Variants in ACBD3 observed in about 807,000 individuals in gnomAD.
ACBD3 encodes acyl-CoA binding domain containing 3.
ACBD3 carries 30 observed loss-of-function variants against 66.9 expected under a neutral mutation model. That is an observed-to-expected ratio of 0.45 (90% CI 0.34 to 0.61). The LOEUF (loss-of-function observed/expected upper bound fraction) is 0.61. ACBD3 is among the 20% of genes least tolerant of loss of function. The probability of loss-of-function intolerance (pLI) is 0.02; values close to 1 mark genes in which losing one functional copy is unlikely to be tolerated. For missense variants in ACBD3, 544 were observed against 664.5 expected (o/e 0.82, Z 1.99); for synonymous variants, 278 against 259.8 (o/e 1.07, Z -0.68).
intron 1 of ACBD3, among the ~76,000 whole-genome samples, chr1:226,178,175 T>G (rs1174729017): frequency 1.3e-5 from 2 of 152,166 alleles, no homozygotes; most frequent in African/African-American, 4.8e-5. Context: ...AACTCACAAG[T>G]ATTTAACTTT....
chr1:226,149,527 ATCTTTTT>A (rs1659522794), intron 7 of ACBD3, among the ~76,000 whole-genome samples: 1 of 34,186 alleles, frequency 2.9e-5, no homozygotes, highest in Non-Finnish European at 5.6e-5. Context: ...GCGCCCAGCC[ATCTTTTT>A]TTTTTTTTTT....
At position 226,186,551 on chromosome 1, in the gene ACBD3, G is replaced by GGCGGTGGCA. The variant is rs1186655361; in HGVS notation, c.116_124dup (p.Leu39_Pro41dup). On this transcript the variant is annotated inframe_insertion, in exon 1 of 8. Coordinates refer to ENST00000366812, the MANE Select transcript of ACBD3 (RefSeq NM_022735.4). ...GCCGCGACCGGATCCAGGTGGCGAG[G>GGCGGTGGCA]GCGGTGGCAGCGGTGGCGGCAGCAG... 7.3e-7 allele frequency: 1 copy of GGCGGTGGCA among 1,364,556 alleles called. No homozygotes were observed. The highest frequency in any genetic ancestry group is 9.4e-7 in the Non-Finnish European group (1 of 1,063,918). The allele number at this position is 1,364,556 out of a possible 1,614,324, so 84.5% of individuals were successfully genotyped here. A position where few individuals can be genotyped will look rare whatever the true frequency, so the allele number is the denominator to read the frequency against.
At chr1:226,148,463 TGCAAATGAGAAATA>T (rs1659499523) in intron 7 of ACBD3, among the ~76,000 whole-genome samples, 2 of 152,342 alleles carry the variant, frequency 1.3e-5, no homozygotes, top group South Asian at 4.1e-4. Flanking sequence ...ATGTTTCACA[TGCAAATGAGAAATA>T]CAGAACCATC....
At chr1:226,150,849 T>C (rs1315889366) in intron 7 of ACBD3, among the ~76,000 whole-genome samples, 3 of 152,336 alleles carry the variant, frequency 2.0e-5, no homozygotes, top group African/African-American at 7.2e-5. Flanking sequence ...ACCTGTGGTA[T>C]AATGAAGGAT....
At chr1:226,157,109 A>G (rs534164121) in intron 5 of ACBD3, among the ~76,000 whole-genome samples, 144 of 152,274 alleles carry the variant, frequency 9.5e-4, no homozygotes, top group African/African-American at 3.3e-3. Context: ...TCATTTTGCT[A>G]TTTATATAAA....
chr1:226,149,505 G>A (rs1458068166), intron 7 of ACBD3, among the ~76,000 whole-genome samples: 2 of 131,672 alleles, frequency 1.5e-5, no homozygotes, highest in Non-Finnish European at 3.1e-5. Context: ...GGGATTACAG[G>A]TGTCAGCCAC....
chr1:226,186,255 G>A (rs1416007585), intron 1 of ACBD3, 135 bp downstream of exon 1: 3 of 1,183,512 alleles, frequency 2.5e-6, no homozygotes, highest in Non-Finnish European at 3.3e-6. Context: ...CCCAAGGAGG[G>A]AACCCCGCTT....
chr1:226,183,254 C>A (rs1656211461), intron 1 of ACBD3, among the ~76,000 whole-genome samples: 1 of 152,190 alleles, frequency 6.6e-6, no homozygotes, highest in African/African-American at 2.4e-5. Context: ...TGGCTCACTG[C>A]AAGCTCCGCC....
At chr1:226,148,110 G>A (rs1367558315) in intron 7 of ACBD3, 1 of 152,166 alleles carries the variant, frequency 6.6e-6, no homozygotes, top group Non-Finnish European at 1.5e-5. Flanking sequence ...AGATTAAGGA[G>A]ATATGATGAC....
At chr1:226,176,801 CA>C (rs1656045584) in intron 1 of ACBD3, among the ~76,000 whole-genome samples, 1 of 152,016 alleles carries the variant, frequency 6.6e-6, no homozygotes, top group East Asian at 1.9e-4. Flanking sequence ...GTCAAATAAT[CA>C]GCAAAATTAT....
intron 5 of ACBD3, among the ~76,000 whole-genome samples, chr1:226,157,030 CAG>C (rs369737689): frequency 1.3e-3 from 193 of 152,248 alleles, no homozygotes; most frequent in African/African-American, 4.5e-3. Flanking sequence ...TAAAAAAGCA[CAG>C]AAAGGTATAA....
intron 1 of ACBD3, among the ~76,000 whole-genome samples, chr1:226,179,913 C>T (rs1656133009): frequency 6.6e-6 from 1 of 152,034 alleles, no homozygotes. Flanking sequence ...CAGCTCACGC[C>T]TGTAATCCCA....
At position 226,159,320 on chromosome 1, in the gene ACBD3, A is replaced by C; in HGVS notation, c.767T>G (p.Val256Gly). The C allele has an allele frequency of 6.2e-7, 1 of 1,614,192 alleles. No individual in the cohort carries two copies. Among genetic ancestry groups the C allele is most frequent in the South Asian group, 1.1e-5 (1 of 91,084 alleles). The part of the protein sequence containing the change: ...IMAALNSQTA[V>G]QFQQYAAQQY... The stretch of plus-strand genomic sequence containing the variant: ...TTGGGCTGCATACTGCTGGAACTGC[A>C]CGGCAGTCTGGGAGTTTAAAGCTGC... The change falls in exon 5 of 8, where the codon GTG becomes GGG. Residue 256 changes from valine (V) to glycine (G), a missense_variant. Around this residue, in one of 3 missense-constraint regions of ACBD3, gnomAD observed 383 missense variants for 462.4 expected, o/e 0.83. Transcript: ENST00000366812.
Position 226,164,810 on chromosome 1 carries a change from T to C in ACBD3, c.548A>G (p.Lys183Arg). Residue 183 changes from lysine (K) to arginine (R), a missense_variant, in exon 3 of 8, where the codon AAG becomes AGG. Physicochemically the swap from Lys to Arg is conservative, Grantham distance 26 (BLOSUM62 2). This residue lies in a region of ACBD3 where 383 missense variants were observed against 462.4 expected (regional missense o/e 0.83). Transcript: ENST00000366812. The part of the protein sequence containing the change: ...STYVASHKIE[K>R]EEQEKKRKEE... ...TCACCTTTTTTTTTCTTGCTCTTCC[T>C]TCTCTATTTTGTGGGACGCAACATA... 6.2e-7 allele frequency: 1 copy of C among 1,609,320 alleles called. No individual in the cohort carries two copies. The highest frequency in any genetic ancestry group is 8.5e-7 in the Non-Finnish European group (1 of 1,178,092).
At chr1:226,178,692 C>A (rs1010420623) in intron 1 of ACBD3, among the ~76,000 whole-genome samples, 3 of 151,932 alleles carry the variant, frequency 2.0e-5, no homozygotes, top group Non-Finnish European at 2.9e-5. Flanking sequence ...ATTTCAATGT[C>A]CCTTCTAGCC....
Position 226,170,410 on chromosome 1 carries a change from G to A in ACBD3, c.287-4410C>T, listed in dbSNP as rs1314237775. On this transcript the variant is annotated intron_variant, in intron 1 of 7. Transcript: ENST00000366812. ...AGGATGATCTCGATCTCCTGACCTCGTGATCTGCCCACCTGGGCCTCCCAA... is the reference window on the plus strand; with the variant it reads ...AGGATGATCTCGATCTCCTGACCTCATGATCTGCCCACCTGGGCCTCCCAA... 1.7e-4 allele frequency among the ~76,000 whole-genome samples: 24 copies of A among 141,552 alleles called. No homozygotes were observed. In the East Asian group the frequency reaches 3.3e-3, roughly 19 times the overall value. 92.9% of individuals were successfully genotyped at this position (141,552 alleles called of 152,430 possible).
intron 1 of ACBD3, among the ~76,000 whole-genome samples, chr1:226,173,592 A>C (rs1263271968): frequency 1.3e-5 from 2 of 152,064 alleles, no homozygotes; most frequent in South Asian, 4.1e-4. Context: ...CAGAAAAAAA[A>C]CACAGAAAAA....
chr1:226,163,097 G>A (rs1000401037), intron 3 of ACBD3, among the ~76,000 whole-genome samples: 5 of 152,096 alleles, frequency 3.3e-5, no homozygotes, highest in African/African-American at 4.8e-5. Context: ...CACCACAGGC[G>A]TGAGCCACTG....
chr1:226,164,989 T>G, intron 2 of ACBD3, 60 bp from the exon 3 acceptor site: 1 of 1,447,624 alleles, frequency 6.9e-7, no homozygotes, highest in South Asian at 1.6e-5. Context: ...ACTTTTAAAT[T>G]TAAACCTAAA....
Sources: gnomAD v4.1 joint callset for allele counts (sites outside exome capture counted in the v4.1 genomes callset) on GRCh38, gnomAD v4.1.1 for gene constraint, gnomAD v4.1.1 regional missense constraint, MANE v1.5 for transcripts, NCBI Gene and HGNC (gene_info 2026-07-23, HGNC 2026-07-21) for gene names.